Variants in ATG4C observed in about 807,000 individuals in gnomAD.
The protein encoded by ATG4C is cysteine protease ATG4C.
ATG4C carries 56 observed loss-of-function variants against 57.6 expected under a neutral mutation model. That is an observed-to-expected ratio of 0.97 (90% CI 0.78 to 1.21). ATG4C has a LOEUF of 1.21. Among genes scored for constraint, ATG4C ranks in the 50% most tolerant of loss-of-function variants. ATG4C has a pLI of 0.00. For synonymous variants in ATG4C, 157 were observed against 174.1 expected (o/e 0.90, Z 0.78); for missense variants, 595 against 529.8 (o/e 1.12, Z -1.21).
At chr1:62,841,633 A>G in intron 10 of ATG4C, 86 bp downstream of exon 10, 1 of 1,107,032 alleles carries the variant, frequency 9.0e-7, no homozygotes, top group Non-Finnish European at 1.2e-6. Flanking sequence ...GTAAATTATA[A>G]TTTTTTATAA....
Position 62,854,153 on chromosome 1 carries a change from T to C in ATG4C, c.1210-9839T>C, listed in dbSNP as rs553712447. ...CTCTTTTCCCCTAGAAAATTAATTA[T>C]AGTAATTTTTATAGTAATTTTGTAA... On this transcript the variant is annotated intron_variant, in intron 10 of 10. Coordinates refer to ENST00000317868, the MANE Select transcript of ATG4C (RefSeq NM_032852.4). 4.9e-4 allele frequency among the ~76,000 whole-genome samples: 74 copies of C among 151,834 alleles called. 1 individual carries two copies. Among genetic ancestry groups the C allele is most frequent in the Admixed American group, 2.8e-3 (43 of 15,284 alleles).
chr1:62,789,811 C>T (rs1168334945), intron 1 of ATG4C, among the ~76,000 whole-genome samples: 1 of 151,630 alleles, frequency 6.6e-6, no homozygotes, highest in Non-Finnish European at 1.5e-5. Context: ...AGCGAGACTC[C>T]GTCTCAAAAA....
rs986599272 is a variant in ATG4C, at chr1:62,861,255, C to T, written c.1210-2737C>T. ...TAGAAGAATTACATGTTAGAAAGTT[C>T]GAAAAATAGGCTGGCCGTGGTGACT... On this transcript the variant is annotated intron_variant, in intron 10 of 10. Transcript: ENST00000317868. 7.2e-5 allele frequency among the ~76,000 whole-genome samples: 11 copies of T among 151,870 alleles called. 1 individual carries two copies. The East Asian group carries it at 1.7e-3, about 24-fold the overall frequency.
At chr1:62,812,566 A>G (rs1665122821) in intron 3 of ATG4C, among the ~76,000 whole-genome samples, 1 of 152,216 alleles carries the variant, frequency 6.6e-6, no homozygotes, top group Non-Finnish European at 1.5e-5. Context: ...GGCACAAGAC[A>G]AGGATGCCCT....
At chr1:62,784,614 C>T (rs536973870) in intron 1 of ATG4C, among the ~76,000 whole-genome samples, 2 of 152,240 alleles carry the variant, frequency 1.3e-5, no homozygotes, top group East Asian at 3.9e-4. Context: ...AGTGCTCTGT[C>T]GGCCCTGTTT....
intron 6 of ATG4C, among the ~76,000 whole-genome samples, chr1:62,823,052 A>C (rs1448172977): frequency 1.3e-5 from 2 of 152,136 alleles, no homozygotes; most frequent in Non-Finnish European, 2.9e-5. Context: ...GCTACTCGGG[A>C]GGCTGGGGTG....
chr1:62,793,597 G>GAAAAAAAAAAAAA (rs746057232), intron 1 of ATG4C, among the ~76,000 whole-genome samples: 5 of 20,530 alleles, frequency 2.4e-4, no homozygotes, highest in Non-Finnish European at 3.6e-4. Context: ...ACCTTGTCTC[G>GAAAAAAAAAAAAA]AAAAAAAAAA....
chr1:62,816,566 A>G lies in ATG4C; in HGVS notation c.161-9A>G, dbSNP rs1557971197. 1 of 1,588,136 alleles carries G rather than the reference A, an allele frequency of 6.3e-7. No homozygotes were observed. Among genetic ancestry groups the G allele is most frequent in the Admixed American group, 1.7e-5 (1 of 57,380 alleles). On this transcript the variant is annotated splice_polypyrimidine_tract_variant and intron_variant, in intron 3 of 10. Coordinates refer to ENST00000317868, the MANE Select transcript of ATG4C (RefSeq NM_032852.4). ...CTGGTTATCTTTAGACCGTATGTTTATTTTTTAGATGAAGATAAAACGTTA... is the reference window on the plus strand; with the variant it reads ...CTGGTTATCTTTAGACCGTATGTTTGTTTTTTAGATGAAGATAAAACGTTA...
chr1:62,834,644 A>T, intron 8 of ATG4C, 132 bp from the exon 9 acceptor site: 1 of 658,274 alleles, frequency 1.5e-6, no homozygotes, highest in Non-Finnish European at 2.7e-6. Context: ...CCTATGTTTC[A>T]GTCAATGAAT....
At chr1:62,863,625 A>C (rs1236042449) in intron 10 of ATG4C, among the ~76,000 whole-genome samples, 2 of 152,046 alleles carry the variant, frequency 1.3e-5, no homozygotes, top group African/African-American at 4.8e-5. Flanking sequence ...ATTTTATCAT[A>C]GTCAGTGATA....
intron 1 of ATG4C, among the ~76,000 whole-genome samples, chr1:62,799,505 G>A (rs954938625): frequency 5.3e-5 from 8 of 152,160 alleles, no homozygotes; most frequent in African/African-American, 1.9e-4. Flanking sequence ...CTACATAGCA[G>A]GAGTTTTGAC....
intron 6 of ATG4C, among the ~76,000 whole-genome samples, chr1:62,828,574 G>A (rs1413269876): frequency 1.3e-5 from 2 of 152,000 alleles, no homozygotes; most frequent in African/African-American, 4.8e-5. Context: ...TGTATAGTTT[G>A]CAAATATTTT....
At chr1:62,833,784 G>A (rs1179376466) in intron 7 of ATG4C, among the ~76,000 whole-genome samples, 1 of 152,094 alleles carries the variant, frequency 6.6e-6, no homozygotes, top group Non-Finnish European at 1.5e-5. Context: ...ATCTCTCTAT[G>A]TAGTAGTTGT....
Position 62,841,563 on chromosome 1 carries a change from A to T in ATG4C, c.1209+16A>T, listed in dbSNP as rs753863714. Reference sequence around the variant, plus strand: ...AATCACCAAGGTATCTTTATTTAAAATATTATATTTGTAAATGACCTAATT... The same window carrying T: ...AATCACCAAGGTATCTTTATTTAAATTATTATATTTGTAAATGACCTAATT... On this transcript the variant is annotated intron_variant, in intron 10 of 10. Transcript: ENST00000317868. The T allele has an allele frequency of 1.3e-6, 2 of 1,544,914 alleles. No homozygotes were observed. The highest frequency in any genetic ancestry group is 8.7e-7 in the Non-Finnish European group (1 of 1,147,294).
At position 62,865,486 on chromosome 1, in the gene ATG4C, T is replaced by A. The variant is rs938743417; in HGVS notation, c.*1327T>A. 5 of 151,960 alleles carry A rather than the reference T, an allele frequency of 3.3e-5. No individual in the cohort carries two copies. Among genetic ancestry groups the A allele is most frequent in the Non-Finnish European group, 5.9e-5 (4 of 67,848 alleles). 9.4% of individuals were successfully genotyped at this position (151,960 alleles called of 1,614,324 possible). On this transcript the variant is annotated 3_prime_UTR_variant, in exon 11 of 11. Coordinates refer to ENST00000317868, the MANE Select transcript of ATG4C (RefSeq NM_032852.4). ...ACATTTCTCAGTGAAGATTACTTAC[T>A]GAGTTGAAATAAATAGTCTGAAATC...
chr1:62,816,611 C>G lies in ATG4C; in HGVS notation c.197C>G (p.Thr66Arg), dbSNP rs1665280556. The G allele has an allele frequency of 6.2e-7, 1 of 1,613,206 alleles. No individual in the cohort carries two copies. Among genetic ancestry groups the G allele is most frequent in the African/African-American group, 1.3e-5 (1 of 74,840 alleles). ...ACGTTACCTGCAGAGTCGGGATGTACAATAGAGGATCACGTAATTGCAGGA... is the reference window on the plus strand; with the variant it reads ...ACGTTACCTGCAGAGTCGGGATGTAGAATAGAGGATCACGTAATTGCAGGA... ...DKTLPAESGC[T>R]IEDHVIAGNV... Residue 66 changes from threonine (T) to arginine (R), a missense_variant, in exon 4 of 11, where the codon ACA becomes AGA. Transcript: ENST00000317868.
intron 6 of ATG4C, among the ~76,000 whole-genome samples, chr1:62,822,010 T>A (rs1209053559): frequency 1.3e-5 from 2 of 152,142 alleles, no homozygotes; most frequent in Admixed American, 6.5e-5. Context: ...TTAGGAATGC[T>A]CAACCTGTAG....
At chr1:62,817,493 G>A (rs1013117620) in intron 4 of ATG4C, among the ~76,000 whole-genome samples, 3 of 151,998 alleles carry the variant, frequency 2.0e-5, no homozygotes, top group African/African-American at 4.8e-5. Context: ...CCACAGGTGC[G>A]TGCCACCATG....
At chr1:62,862,574 C>G (rs1250932644) in intron 10 of ATG4C, among the ~76,000 whole-genome samples, 2 of 151,968 alleles carry the variant, frequency 1.3e-5, no homozygotes, top group Admixed American at 6.6e-5. Context: ...TTGGTCTTCT[C>G]TCTTCTCTTT....
Sources: allele counts gnomAD v4.1 joint callset (sites outside exome capture counted in the v4.1 genomes callset), GRCh38; gene constraint gnomAD v4.1.1; transcripts MANE v1.5; gene names NCBI Gene and HGNC (gene_info 2026-07-23, HGNC 2026-07-21).